Variants in OR51B5 observed in about 807,000 individuals in gnomAD.
OR51B5 encodes olfactory receptor family 51 subfamily B member 5, also known as olfactory receptor 51B5.
For synonymous variants in OR51B5, 186 were observed against 144.8 expected, an observed-to-expected ratio of 1.28 and a Z score of -2.04; for missense variants, 456 against 374.6, an observed-to-expected ratio of 1.22 and a Z score of -1.79.
chr11:5,377,153 A>C (rs1180437390), intron 1 of OR51B5, among the ~76,000 whole-genome samples: 1 of 152,160 alleles, frequency 6.6e-6, no homozygotes, highest in Non-Finnish European at 1.5e-5. Context: ...AGGCTGGTTC[A>C]ATATATGCAA....
At chr11:5,503,499 T>A (rs1846327043) in intron 1 of OR51B5, among the ~76,000 whole-genome samples, 1 of 152,236 alleles carries the variant, frequency 6.6e-6, no homozygotes, top group Non-Finnish European at 1.5e-5. Context: ...TTCCTCAACA[T>A]GTTCCAATTT....
intron 1 of OR51B5, among the ~76,000 whole-genome samples, chr11:5,461,147 G>A (rs1206999208): frequency 1.3e-5 from 2 of 152,168 alleles, no homozygotes; most frequent in African/African-American, 2.4e-5. Flanking sequence ...GGGGTGGCAA[G>A]TGAGGGCCCT....
At chr11:5,496,273 T>C (rs902893689) in intron 1 of OR51B5, among the ~76,000 whole-genome samples, 1 of 4,736 alleles carries the variant, frequency 2.1e-4, no homozygotes, top group African/African-American at 7.1e-4. Context: ...TGCCTCTGGT[T>C]CCCTCTAGAA....
At chr11:5,485,832 C>A (rs188539355) in intron 1 of OR51B5, among the ~76,000 whole-genome samples, 10 of 152,178 alleles carry the variant, frequency 6.6e-5, no homozygotes, top group Non-Finnish European at 1.2e-4. Flanking sequence ...GTCTCCACAC[C>A]CCCAAATTCA....
At chr11:5,347,839 G>A (rs749780030), upstream of OR51B5, among the ~76,000 whole-genome samples, 2 of 152,100 alleles carry the variant, frequency 1.3e-5, no homozygotes, top group Non-Finnish European at 2.9e-5. Flanking sequence ...TCTAAATCAG[G>A]AATGGTCTCT....
chr11:5,463,118 T>A lies in OR51B5; in HGVS notation n.84+42451A>T, dbSNP rs7940657. ...AAAGGATTTTTCTTTGTTTCCATTATGCATGGAAGACTTCTCCGCCAAAAA... is the reference window on the plus strand; with the variant it reads ...AAAGGATTTTTCTTTGTTTCCATTAAGCATGGAAGACTTCTCCGCCAAAAA... On this transcript the variant is annotated intron_variant and non_coding_transcript_variant, in intron 1 of 4. Transcript: ENST00000415970. 9.1e-3 allele frequency among the ~76,000 whole-genome samples: 1,384 copies of A among 152,378 alleles called. 23 individuals are homozygous for A. The highest frequency in any genetic ancestry group is 0.031 in the African/African-American group (1,284 of 41,592).
In OR51B5 at chr11:5,379,625, T is replaced by C. The variant is rs114910284; in HGVS notation, n.85-32715A>G. 6.9e-3 allele frequency among the ~76,000 whole-genome samples: 1,054 copies of C among 152,212 alleles called. 9 individuals carry two copies. The highest frequency in any genetic ancestry group is 0.024 in the African/African-American group (1,011 of 41,558). ...TGTTGTTTATGCCATTTGTAAGATA[T>C]GCATTTAGTTGTGTTTTATTTTTTA... On this transcript the variant is annotated intron_variant and non_coding_transcript_variant, in intron 1 of 4. Coordinates refer to the OR51B5 transcript ENST00000415970.
intron 1 of OR51B5, among the ~76,000 whole-genome samples, chr11:5,492,536 C>G (rs1490746037): frequency 1.3e-5 from 2 of 152,112 alleles, no homozygotes; most frequent in African/African-American, 4.8e-5. Flanking sequence ...TAATTGGTCC[C>G]TTTCTCTGTG....
rs187360914 is a variant in OR51B5, at chr11:5,378,446, C to A, written n.85-31536G>T. 4.2e-4 allele frequency among the ~76,000 whole-genome samples: 64 copies of A among 152,226 alleles called. No individual in the cohort carries two copies. In the East Asian group the frequency reaches 6.6e-3, roughly 16 times the overall value. The stretch of plus-strand genomic sequence containing the variant: ...ACACCAAAAGCGATGGCAACAAAAG[C>A]CAAAATTCACTAATGGGATCTAATG... On this transcript the variant is annotated intron_variant and non_coding_transcript_variant, in intron 1 of 4. Transcript: ENST00000415970.
chr11:5,473,740 G>C (rs1433125081), intron 1 of OR51B5, among the ~76,000 whole-genome samples: 1 of 152,048 alleles, frequency 6.6e-6, no homozygotes, highest in African/African-American at 2.4e-5. Flanking sequence ...TGTAATATTT[G>C]ATGCCTTAAA....
Position 5,348,794 on chromosome 11 carries a change from C to A in OR51B5, n.85-1884G>T, listed in dbSNP as rs535952439. 2.0e-5 allele frequency among the ~76,000 whole-genome samples: 3 copies of A among 152,244 alleles called. No homozygotes were observed. In the South Asian group the frequency reaches 6.2e-4, roughly 32 times the overall value. ...CTCCTTTGGCAACACCCTTACAGCA[C>A]ACCCAGGAACAATACTTTGCATCCT... On this transcript the variant is annotated intron_variant and non_coding_transcript_variant, in intron 1 of 4. Coordinates refer to the OR51B5 transcript ENST00000415970.
chr11:5,390,460 C>A, intron 1 of OR51B5: 2 of 1,224,502 alleles, frequency 1.6e-6, no homozygotes, highest in South Asian at 1.6e-5. Flanking sequence ...GAGTATATAG[C>A]ATGCTCTTAA....
chr11:5,490,330 T>C (rs1200270301), intron 1 of OR51B5, among the ~76,000 whole-genome samples: 1 of 152,234 alleles, frequency 6.6e-6, no homozygotes, highest in Non-Finnish European at 1.5e-5. Flanking sequence ...AAGACACTTA[T>C]ATAAAACTTT....
At chr11:5,377,279 T>C (rs376153250) in intron 1 of OR51B5, among the ~76,000 whole-genome samples, 5 of 150,504 alleles carry the variant, frequency 3.3e-5, no homozygotes, top group South Asian at 4.2e-4. Context: ...GCTAAAAACT[T>C]TCAATAAATT....
At chr11:5,391,365 G>A (rs1849792913) in intron 1 of OR51B5, 1 of 152,088 alleles carries the variant, frequency 6.6e-6, no homozygotes, top group Admixed American at 6.6e-5. Context: ...ATTTCCCGTT[G>A]TAACATTTGT....
intron 1 of OR51B5, among the ~76,000 whole-genome samples, chr11:5,477,629 C>A (rs367745355): frequency 6.6e-6 from 1 of 152,150 alleles, no homozygotes; most frequent in Admixed American, 6.5e-5. Flanking sequence ...GAGTGCCAGA[C>A]AGTCGGCGCA....
At chr11:5,384,127 C>T (rs922736619) in intron 1 of OR51B5, among the ~76,000 whole-genome samples, 4 of 152,190 alleles carry the variant, frequency 2.6e-5, no homozygotes, top group African/African-American at 4.8e-5. Flanking sequence ...ATTCCCTGCA[C>T]TAAGCCTAAT....
At chr11:5,356,260 C>A (rs935767654) in intron 1 of OR51B5, among the ~76,000 whole-genome samples, 4 of 151,824 alleles carry the variant, frequency 2.6e-5, no homozygotes, top group Non-Finnish European at 5.9e-5. Flanking sequence ...ACTAGAATAA[C>A]CAATACAGAG....
chr11:5,489,746 G>T, intron 1 of OR51B5: 1 of 932,472 alleles, frequency 1.1e-6, no homozygotes, highest in Non-Finnish European at 1.7e-6. Context: ...GTGATGATGT[G>T]AAAGGAATGG....
Sources: gnomAD v4.1 joint callset for allele counts (sites outside exome capture counted in the v4.1 genomes callset) on GRCh38, gnomAD v4.1.1 for gene constraint, MANE v1.5 for transcripts, NCBI Gene and HGNC (gene_info 2026-07-23, HGNC 2026-07-21) for gene names.